VRK2: variants seen among roughly 807,000 people sequenced by gnomAD.
VRK2 encodes serine/threonine-protein kinase VRK2.
VRK2 carries 60 observed loss-of-function variants against 57.6 expected under a neutral mutation model. The ratio of observed to expected loss-of-function variants is 1.04; its 90% CI spans 0.85 to 1.29. VRK2 has a LOEUF of 1.29. Among genes scored for constraint, VRK2 ranks in the 50% most tolerant of loss-of-function variants. VRK2 has a pLI of 0.00. For missense variants in VRK2, 705 were observed against 588.1 expected (o/e 1.20, Z -2.06); for synonymous variants, 231 against 199.2 (o/e 1.16, Z -1.35).
intron 1 of VRK2, among the ~76,000 whole-genome samples, chr2:57,921,421 G>C (rs1422401380): frequency 2.0e-5 from 3 of 151,934 alleles, no homozygotes; most frequent in Non-Finnish European, 4.4e-5. Flanking sequence ...AGGACAAATG[G>C]GGAGTGATAG....
chr2:57,925,276 A>G (rs1440752804), intron 1 of VRK2, among the ~76,000 whole-genome samples: 1 of 152,042 alleles, frequency 6.6e-6, no homozygotes, highest in Non-Finnish European at 1.5e-5. Flanking sequence ...AGTTTGAGTA[A>G]TATTGATATT....
At chr2:57,961,601 T>C (rs1407545715) in intron 1 of VRK2, among the ~76,000 whole-genome samples, 2 of 149,796 alleles carry the variant, frequency 1.3e-5, no homozygotes, top group African/African-American at 4.9e-5. Flanking sequence ...TGTGGTCATC[T>C]ATGCTGTCTC....
intron 7 of VRK2, among the ~76,000 whole-genome samples, chr2:58,102,663 C>A (rs924250809): frequency 6.6e-6 from 1 of 151,476 alleles, no homozygotes. Context: ...TGGGAGACTT[C>A]AACACCCCAC....
intron 7 of VRK2, among the ~76,000 whole-genome samples, chr2:58,106,164 T>C (rs1220260556): frequency 2.0e-5 from 3 of 151,824 alleles, no homozygotes; most frequent in African/African-American, 7.3e-5. Flanking sequence ...ATTGAGAGTA[T>C]CATAGGTTTT....
intron 1 of VRK2, among the ~76,000 whole-genome samples, chr2:57,987,967 G>C (rs1672650083): frequency 6.6e-6 from 1 of 152,150 alleles, no homozygotes. Context: ...TACTGAGACA[G>C]AAAACAGATC....
intron 1 of VRK2, among the ~76,000 whole-genome samples, chr2:57,938,991 G>A (rs1036432227): frequency 6.6e-6 from 1 of 152,170 alleles, no homozygotes; most frequent in African/African-American, 2.4e-5. Flanking sequence ...TCCAGAGTAT[G>A]AGCAACACAG....
At chr2:57,994,661 T>C (rs1672871387) in intron 1 of VRK2, among the ~76,000 whole-genome samples, 1 of 152,154 alleles carries the variant, frequency 6.6e-6, no homozygotes, top group Non-Finnish European at 1.5e-5. Context: ...CAGGGCCCCC[T>C]TGGACTCATA....
chr2:57,960,620 C>T (rs61026067), intron 1 of VRK2, among the ~76,000 whole-genome samples: 17,434 of 152,172 alleles, frequency 0.11, 1,053 homozygotes, highest in East Asian at 0.18. Flanking sequence ...GGGTTCATGG[C>T]GTTCAGGTTC....
chr2:57,912,301 C>G (rs1280740340), intron 1 of VRK2, among the ~76,000 whole-genome samples: 1 of 152,192 alleles, frequency 6.6e-6, no homozygotes, highest in Non-Finnish European at 1.5e-5. Flanking sequence ...TGGGTTCATA[C>G]TTTGAGTGAT....
chr2:58,110,051 C>G (rs542082332), intron 7 of VRK2, among the ~76,000 whole-genome samples: 1 of 152,072 alleles, frequency 6.6e-6, no homozygotes, highest in East Asian at 1.9e-4. Context: ...ATATGGCATA[C>G]CTGTGTACAA....
chr2:58,149,998 T>C (rs1363083207), intron 12 of VRK2, among the ~76,000 whole-genome samples: 5 of 15,562 alleles, frequency 3.2e-4, no homozygotes, highest in African/African-American at 1.3e-3. Flanking sequence ...TTTCTTTTCT[T>C]TTTTTTTTTT....
intron 1 of VRK2, among the ~76,000 whole-genome samples, chr2:57,994,509 G>A (rs895675637): frequency 6.6e-6 from 1 of 152,034 alleles, no homozygotes; most frequent in Non-Finnish European, 1.5e-5. Flanking sequence ...TGATCCACTG[G>A]AATGAATAAC....
Position 57,988,459 on chromosome 2 carries a change from T to C in VRK2, c.-438-37206T>C, listed in dbSNP as rs61452738. Among the ~76,000 whole-genome samples, 434 of 152,322 alleles carry C rather than the reference T, an allele frequency of 2.8e-3. 10 individuals carry two copies. In the East Asian group the frequency reaches 0.071, roughly 25 times the overall value. On this transcript the variant is annotated intron_variant, in intron 1 of 15. Coordinates refer to the VRK2 transcript ENST00000417641. ...TAATAAAACATTATTTCTGGGTGTG[T>C]CTGTGAGGGTATTTCTGGAAGAGAT...
chr2:58,129,399 T>C (rs1323264163), intron 8 of VRK2, among the ~76,000 whole-genome samples: 1 of 152,134 alleles, frequency 6.6e-6, no homozygotes, highest in Non-Finnish European at 1.5e-5. Flanking sequence ...ATGTAAAATA[T>C]TAGTGGCAGG....
At chr2:57,974,155 G>A (rs892836653) in intron 1 of VRK2, among the ~76,000 whole-genome samples, 1 of 151,944 alleles carries the variant, frequency 6.6e-6, no homozygotes, top group Non-Finnish European at 1.5e-5. Context: ...AAAATGGAAA[G>A]CCATATAAGG....
chr2:57,962,886 T>C (rs1408254499), intron 1 of VRK2, among the ~76,000 whole-genome samples: 2 of 152,174 alleles, frequency 1.3e-5, no homozygotes, highest in African/African-American at 2.4e-5. Flanking sequence ...TTTCTAAGCC[T>C]TTGTGCTGTG....
At chr2:58,028,599 A>C (rs1674006473) in intron 2 of VRK2, among the ~76,000 whole-genome samples, 1 of 151,934 alleles carries the variant, frequency 6.6e-6, no homozygotes, top group African/African-American at 2.4e-5. Flanking sequence ...ACATGGATGA[A>C]GCTGGAAACC....
intron 1 of VRK2, among the ~76,000 whole-genome samples, chr2:57,993,585 T>G (rs1672837215): frequency 6.6e-6 from 1 of 152,200 alleles, no homozygotes. Flanking sequence ...TGAACTAGAT[T>G]CATTCAAAGA....
At chr2:58,027,184 T>G (rs1002016992) in intron 2 of VRK2, among the ~76,000 whole-genome samples, 1 of 152,024 alleles carries the variant, frequency 6.6e-6, no homozygotes, top group Non-Finnish European at 1.5e-5. Context: ...TTCCATCCCA[T>G]AGTACTCCAA....
Sources: allele counts gnomAD v4.1 joint callset (sites outside exome capture counted in the v4.1 genomes callset), GRCh38; gene constraint gnomAD v4.1.1; transcripts MANE v1.5; gene names NCBI Gene and HGNC (gene_info 2026-07-23, HGNC 2026-07-21).